TGDS: variants seen among roughly 807,000 people sequenced by gnomAD.
The protein encoded by TGDS is UDP-D-glucose 4,6-dehydratase.
In TGDS, 47 loss-of-function variants were observed where a neutral mutation model predicts 52.3. The observed-to-expected ratio is 0.90, with a 90% CI of 0.71 to 1.15. The LOEUF is 1.15. Among genes scored for constraint, TGDS ranks in the 50% most tolerant of loss-of-function variants. TGDS has a pLI of 0.00. For synonymous variants in TGDS, 115 were observed against 136.9 expected, an observed-to-expected ratio of 0.84 and a Z score of 1.12; for missense variants, 375 against 418.4, an observed-to-expected ratio of 0.90 and a Z score of 0.90.
chr13:94,596,248 A>C, upstream of TGDS: 1 of 1,171,488 alleles, frequency 8.5e-7, no homozygotes, highest in Non-Finnish European at 1.2e-6. Flanking sequence ...TTAACAGAGC[A>C]GCCAGAGGCA....
At chr13:94,596,216 C>A, upstream of TGDS, 1 of 1,463,068 alleles carries the variant, frequency 6.8e-7, no homozygotes, top group Non-Finnish European at 9.3e-7. Context: ...CCTTTTGCGA[C>A]GCGCCTCGCT....
In TGDS at chr13:94,576,311, T is replaced by C. The variant is rs750921717; in HGVS notation, c.982+3A>G. On this transcript the variant is annotated splice_donor_region_variant and intron_variant, in intron 11 of 11. Coordinates refer to ENST00000261296, the MANE Select transcript of TGDS (RefSeq NM_014305.4). ...CCCCCAAAATGATTAATTCAAAACA[T>C]ACTTGTTTTCTTTATTCCTTCTTTC... is the stretch of plus-strand genomic sequence containing the variant. The C allele has an allele frequency of 7.6e-6, 12 of 1,579,972 alleles. No homozygotes were observed. Among genetic ancestry groups the C allele is most frequent in the South Asian group, 7.1e-5 (6 of 84,712 alleles).
intron 4 of TGDS, 31 bp downstream of exon 4, chr13:94,590,822 A>T: frequency 2.0e-6 from 3 of 1,512,374 alleles, no homozygotes; most frequent in Non-Finnish European, 2.7e-6. Context: ...GAGAACTGCC[A>T]ATCATAACTG....
intron 10 of TGDS, among the ~76,000 whole-genome samples, chr13:94,576,899 G>A (rs546304323): frequency 5.9e-5 from 9 of 152,190 alleles, no homozygotes; most frequent in Admixed American, 1.3e-4. Flanking sequence ...TTAAGAGATC[G>A]AGACAATCCT....
At chr13:94,583,943 C>T (rs977457106) in intron 4 of TGDS, among the ~76,000 whole-genome samples, 13 of 152,058 alleles carry the variant, frequency 8.5e-5, no homozygotes, top group South Asian at 2.1e-4. Context: ...CTTAAGATTA[C>T]GATGATCAAT....
At chr13:94,583,354 AAG>A (rs1888868463) in intron 4 of TGDS, 118 bp from the exon 5 acceptor site, 13 of 1,014,028 alleles carry the variant, frequency 1.3e-5, no homozygotes, top group Middle Eastern at 3.1e-4. Flanking sequence ...CCACAGCTGC[AAG>A]AGTTATAATA....
chr13:94,578,121 C>G lies in TGDS; in HGVS notation c.709G>C (p.Asp237His), dbSNP rs374757364. 4 of 1,613,674 alleles carry G rather than the reference C, an allele frequency of 2.5e-6. No individual in the cohort carries two copies. Among genetic ancestry groups the G allele is most frequent in the African/African-American group, 1.3e-5 (1 of 74,904 alleles). Residue 237 changes from aspartate (D) to histidine (H), a missense_variant, in exon 9 of 12, where the codon GAT becomes CAT. By Grantham distance (81) the Asp-to-His change is moderately conservative. Coordinates refer to ENST00000261296, the MANE Select transcript of TGDS (RefSeq NM_014305.4). The part of the protein sequence containing the change: ...LQTRNFLYAT[D>H]VVEAFLTVLK... ...ACAGTGAGAAATGCTTCTACAACAT[C>G]AGTAGCATAAAGGAAGTTTCTTGTT...
intron 6 of TGDS, 147 bp from the exon 7 acceptor site, chr13:94,580,100 G>A (rs1030191875): frequency 1.9e-5 from 10 of 530,694 alleles, no homozygotes; most frequent in South Asian, 3.2e-5. Flanking sequence ...TTTTTCTAAC[G>A]TAAGGTTTCT....
intron 5 of TGDS, 33 bp from the exon 6 acceptor site, chr13:94,581,222 TA>T (rs1399741347): frequency 7.3e-7 from 1 of 1,369,832 alleles, no homozygotes; most frequent in Non-Finnish European, 1.0e-6. Context: ...AAAAAAGTGT[TA>T]TGCATATTTT....
At chr13:94,575,808 C>A (rs1888580869) in intron 11 of TGDS, among the ~76,000 whole-genome samples, 1 of 152,014 alleles carries the variant, frequency 6.6e-6, no homozygotes, top group Non-Finnish European at 1.5e-5. Context: ...CATGTATACA[C>A]AGACTTTATA....
chr13:94,578,874 G>A, intron 7 of TGDS, 101 bp from the exon 8 acceptor site: 1 of 640,968 alleles, frequency 1.6e-6, no homozygotes. Context: ...ATATGCATAT[G>A]GATTGCTTCT....
chr13:94,594,015 A>AT (rs1889292398), intron 1 of TGDS, 108 bp from the exon 2 acceptor site: 2 of 663,068 alleles, frequency 3.0e-6, no homozygotes, highest in African/African-American at 1.8e-5. Flanking sequence ...GATAACTTTA[A>AT]TTTTTTCTAA....
In TGDS at chr13:94,593,660, G is replaced by A. The variant is rs530039208; in HGVS notation, c.153+181C>T. ...TTGTGGACCAACATAAGAAATGCAG[G>A]TTTCAAAAACTTTTATATAAGATTA... On this transcript the variant is annotated intron_variant, in intron 2 of 11. Transcript: ENST00000261296. Among the ~76,000 whole-genome samples, 5 of 152,062 alleles carry A rather than the reference G, an allele frequency of 3.3e-5. No individual in the cohort carries two copies. In the South Asian group the frequency reaches 1.0e-3, roughly 32 times the overall value.
chr13:94,591,440 A>G (rs971488751), intron 3 of TGDS, among the ~76,000 whole-genome samples: 3 of 152,138 alleles, frequency 2.0e-5, no homozygotes, highest in African/African-American at 7.2e-5. Flanking sequence ...TAAAAATATG[A>G]AAATTAGCTG....
At chr13:94,593,375 A>C (rs915423045) in intron 2 of TGDS, among the ~76,000 whole-genome samples, 2 of 152,234 alleles carry the variant, frequency 1.3e-5, no homozygotes, top group East Asian at 1.9e-4. Context: ...ATAAGAGTTA[A>C]GGGTTCTTCT....
chr13:94,593,432 T>C (rs1889273989), intron 2 of TGDS, among the ~76,000 whole-genome samples: 1 of 152,140 alleles, frequency 6.6e-6, no homozygotes, highest in Admixed American at 6.5e-5. Flanking sequence ...ACACATTGTA[T>C]ACATGTATCA....
intron 4 of TGDS, among the ~76,000 whole-genome samples, chr13:94,585,324 A>G (rs1325198390): frequency 6.6e-6 from 1 of 152,086 alleles, no homozygotes; most frequent in East Asian, 1.9e-4. Context: ...TTGGGATTAC[A>G]GGCGTGAGCC....
rs746704839 is a variant in TGDS, at chr13:94,578,716, T to C, written c.659+14A>G. ...CCAGAAAAGCATATGGGTAAAAAGGTAATAATAACATACCATTTCCTGTTG... is the reference window on the plus strand; with the variant it reads ...CCAGAAAAGCATATGGGTAAAAAGGCAATAATAACATACCATTTCCTGTTG... On this transcript the variant is annotated intron_variant, in intron 8 of 11. Coordinates refer to ENST00000261296, the MANE Select transcript of TGDS (RefSeq NM_014305.4). 1 of 1,526,348 alleles carries C rather than the reference T, an allele frequency of 6.6e-7. No individual in the cohort carries two copies. The highest frequency in any genetic ancestry group is 2.3e-5 in the East Asian group (1 of 44,062). 94.6% of individuals were successfully genotyped at this position (1,526,348 alleles called of 1,614,324 possible). A position where few individuals can be genotyped will look rare whatever the true frequency, so the allele number is the denominator to read the frequency against.
At chr13:94,588,108 A>G (rs946486252) in intron 4 of TGDS, among the ~76,000 whole-genome samples, 6 of 150,890 alleles carry the variant, frequency 4.0e-5, no homozygotes, top group African/African-American at 1.5e-4. Context: ...ATAAGACACC[A>G]TTGAAAACGG....
Sources: allele counts gnomAD v4.1 joint callset (sites outside exome capture counted in the v4.1 genomes callset), GRCh38; gene constraint gnomAD v4.1.1; transcripts MANE v1.5; gene names NCBI Gene and HGNC (gene_info 2026-07-23, HGNC 2026-07-21).